KMT2E: variants seen among roughly 807,000 people sequenced by gnomAD.
KMT2E encodes the protein lysine methyltransferase 2E (inactive).
KMT2E carries 30 observed loss-of-function variants against 184.6 expected under a neutral mutation model. The ratio of observed to expected loss-of-function variants is 0.16; its 90% CI spans 0.12 to 0.22. KMT2E has a LOEUF of 0.22. KMT2E is among the 10% of genes least tolerant of loss of function. KMT2E has a pLI of 1.00. For missense variants in KMT2E, 2,023 were observed against 2,237.4 expected, an observed-to-expected ratio of 0.90 and a Z score of 1.93; for synonymous variants, 815 against 776.5, an observed-to-expected ratio of 1.05 and a Z score of -0.82.
At chr7:105,059,714 T>C (rs1796713653) in intron 3 of KMT2E, among the ~76,000 whole-genome samples, 1 of 152,124 alleles carries the variant, frequency 6.6e-6, no homozygotes, top group South Asian at 2.1e-4. Flanking sequence ...TGAATACATA[T>C]ATTTTCGGAT....
chr7:105,058,627 G>T (rs1219036558), intron 3 of KMT2E, among the ~76,000 whole-genome samples: 4 of 152,132 alleles, frequency 2.6e-5, no homozygotes, highest in Non-Finnish European at 5.9e-5. Context: ...ATGCATTTCA[G>T]TTGTTCTACT....
chr7:105,086,793 TA>T (rs1797982690), intron 13 of KMT2E, among the ~76,000 whole-genome samples: 2 of 145,592 alleles, frequency 1.4e-5, no homozygotes, highest in Non-Finnish European at 3.0e-5. Flanking sequence ...ATATAATATA[TA>T]AAAATATGAT....
intron 4 of KMT2E, 65 bp from the exon 5 acceptor site, chr7:105,063,286 T>C: frequency 1.7e-6 from 2 of 1,163,580 alleles, no homozygotes; most frequent in South Asian, 1.6e-5. Context: ...TTTATTTAAG[T>C]TGCTTGGTTT....
At chr7:105,111,701 C>A (rs1799290817) in intron 26 of KMT2E, 124 bp from the exon 27 acceptor site, 1 of 1,139,648 alleles carries the variant, frequency 8.8e-7, no homozygotes, top group East Asian at 2.6e-5. Flanking sequence ...ATTGACGTAT[C>A]CAGGATGTTA....
rs1562899790 is a variant in KMT2E, at chr7:105,062,229, A to G, written c.137A>G (p.Tyr46Cys). Reference sequence around the variant, plus strand: ...TCCAACAGTTATCCCCACCAGTTATATACCAGCAGCTCACATCATTCACAC... The same window carrying G: ...TCCAACAGTTATCCCCACCAGTTATGTACCAGCAGCTCACATCATTCACAC... ...EKSNSYPHQL[Y>C]TSSSHHSHSY... is the part of the protein sequence containing the mutation. Residue 46 changes from tyrosine (Y) to cysteine (C), a missense_variant, in exon 4 of 27, where the codon TAT (tyrosine) becomes TGT (cysteine). By Grantham distance (194) the Tyr-to-Cys change is radical. Around this residue, in one of 8 missense-constraint regions of KMT2E, gnomAD observed 63 missense variants for 68.9 expected, o/e 0.91. Transcript: ENST00000311117. 6.2e-7 allele frequency: 1 copy of G among 1,613,692 alleles called. No homozygotes were observed. The highest frequency in any genetic ancestry group is 2.2e-5 in the East Asian group (1 of 44,826).
At chr7:105,055,425 A>C (rs1023246397) in intron 3 of KMT2E, among the ~76,000 whole-genome samples, 2 of 152,118 alleles carry the variant, frequency 1.3e-5, no homozygotes, top group Admixed American at 1.3e-4. Flanking sequence ...TTCTTGAACT[A>C]GTCCTTGTCT....
chr7:105,089,913 C>T, intron 13 of KMT2E, 96 bp from the exon 14 acceptor site: 1 of 1,518,458 alleles, frequency 6.6e-7, no homozygotes, highest in Non-Finnish European at 8.8e-7. Flanking sequence ...ATAGTAATTG[C>T]ATACAATTTT....
At chr7:105,056,783 G>A (rs542319148) in intron 3 of KMT2E, among the ~76,000 whole-genome samples, 1 of 152,302 alleles carries the variant, frequency 6.6e-6, no homozygotes, top group South Asian at 2.1e-4. Context: ...ATGTATCTGT[G>A]TAAGGCATTA....
chr7:105,099,404 T>A (rs1798560677), intron 15 of KMT2E, among the ~76,000 whole-genome samples: 1 of 152,210 alleles, frequency 6.6e-6, no homozygotes, highest in Non-Finnish European at 1.5e-5. Flanking sequence ...ACCACATTAT[T>A]TTTTAAGATC....
Position 105,091,697 on chromosome 7 carries a change from A to G in KMT2E, c.1722+383A>G, listed in dbSNP as rs1798210311. On this transcript the variant is annotated intron_variant, in intron 15 of 26. Transcript: ENST00000311117. ...GTACAAATTTAAACCTTACTATAGC[A>G]CCAAATAAATTGCTTATGCAAAAAA... The G allele has an allele frequency of 1.4e-5, 4 of 280,250 alleles. No individual in the cohort carries two copies. In the Admixed American group the frequency reaches 2.0e-4, roughly 14 times the overall value. The allele number at this position is 280,250 out of a possible 1,614,324, so 17.4% of individuals were successfully genotyped here.
chr7:105,082,993 A>G (rs184157363), intron 13 of KMT2E, among the ~76,000 whole-genome samples: 64 of 152,266 alleles, frequency 4.2e-4, no homozygotes, highest in African/African-American at 1.4e-3. Context: ...TGTGGTGTCT[A>G]TTAGCTCTTG....
chr7:105,076,566 A>G (rs1272456506), intron 9 of KMT2E, among the ~76,000 whole-genome samples: 2 of 152,342 alleles, frequency 1.3e-5, no homozygotes, highest in East Asian at 1.9e-4. Context: ...TAATTAATGT[A>G]TGTCCTCACT....
chr7:105,110,730 G>T (rs1304846177), intron 25 of KMT2E, 41 bp from the exon 26 acceptor site: 1 of 1,590,288 alleles, frequency 6.3e-7, no homozygotes, highest in South Asian at 1.1e-5. Flanking sequence ...AGTGTTTATT[G>T]TGTAATTTTA....
intron 1 of KMT2E, among the ~76,000 whole-genome samples, chr7:105,035,166 A>G (rs1287481622): frequency 6.6e-6 from 1 of 151,024 alleles, no homozygotes; most frequent in Non-Finnish European, 1.5e-5. Flanking sequence ...CTGGGACTAC[A>G]GGCGCCCACC....
chr7:105,043,976 T>G (rs1795993390), intron 3 of KMT2E, among the ~76,000 whole-genome samples: 1 of 152,168 alleles, frequency 6.6e-6, no homozygotes, highest in African/African-American at 2.4e-5. Context: ...CGCATGCCTG[T>G]AGTCCCAGCT....
At chr7:105,029,388 A>G (rs1053659354) in intron 1 of KMT2E, among the ~76,000 whole-genome samples, 1 of 152,228 alleles carries the variant, frequency 6.6e-6, no homozygotes, top group African/African-American at 2.4e-5. Context: ...AAATATGTTA[A>G]ATGAATGAAT....
intron 14 of KMT2E, 55 bp from the exon 15 acceptor site, chr7:105,091,161 C>T (rs1447732673): frequency 3.9e-6 from 3 of 770,058 alleles, no homozygotes; most frequent in East Asian, 2.5e-5. Flanking sequence ...TTTAATGTCA[C>T]TAGTTGTATA....
chr7:105,034,035 C>G (rs1007215808), intron 1 of KMT2E, among the ~76,000 whole-genome samples: 1 of 152,156 alleles, frequency 6.6e-6, no homozygotes, highest in Non-Finnish European at 1.5e-5. Context: ...CCCACAGAGT[C>G]GGGGCCCTCA....
At chr7:105,071,609 T>TATATATA (rs1491132838) in intron 6 of KMT2E, among the ~76,000 whole-genome samples, 1 of 45,412 alleles carries the variant, frequency 2.2e-5, no homozygotes, top group African/African-American at 1.3e-4. Flanking sequence ...TATATATATA[T>TATATATA]TTTTTTTTTT....
Sources: allele counts gnomAD v4.1 joint callset (sites outside exome capture counted in the v4.1 genomes callset), GRCh38; gene constraint gnomAD v4.1.1; regional missense constraint gnomAD v4.1.1; transcripts MANE v1.5; gene names NCBI Gene and HGNC (gene_info 2026-07-23, HGNC 2026-07-21).